Variants in TRAPPC2L observed in about 807,000 individuals in gnomAD.
TRAPPC2L encodes trafficking protein particle complex subunit 2L.
In TRAPPC2L, 17 loss-of-function variants were observed where a neutral mutation model predicts 13.2. The ratio of observed to expected loss-of-function variants is 1.29; its 90% confidence interval spans 0.88 to 1.93. The LOEUF (loss-of-function observed/expected upper bound fraction) is 1.93. Among genes scored for constraint, TRAPPC2L ranks in the 30% most tolerant of loss-of-function variants. TRAPPC2L has a pLI of 0.00. For synonymous variants in TRAPPC2L, 150 were observed against 98.1 expected (o/e 1.53, Z -3.12); for missense variants, 359 against 252.1 (o/e 1.42, Z -2.87).
At chr16:88,860,619 C>T in exon 4 of TRAPPC2L, 1 of 591,312 alleles carries the variant, frequency 1.7e-6, no homozygotes, top group Non-Finnish European at 3.0e-6. Flanking sequence ...GTCTTGCCTC[C>T]TGGGCTGCAC....
At chr16:88,857,486 A>C (rs1235308206) in intron 1 of TRAPPC2L, 1 of 395,264 alleles carries the variant, frequency 2.5e-6, no homozygotes, top group Non-Finnish European at 4.5e-6. Flanking sequence ...CTCCGTCCTC[A>C]GCAGGTTCTG....
At chr16:88,857,301 C>T (rs1009779573) in intron 1 of TRAPPC2L, 118 bp downstream of exon 1, 10 of 970,658 alleles carry the variant, frequency 1.0e-5, no homozygotes, top group East Asian at 3.3e-5. Context: ...AGGAGGCCTT[C>T]GCCGAGCTCC....
At chr16:88,859,335 G>C in intron 2 of TRAPPC2L, 1 of 671,464 alleles carries the variant, frequency 1.5e-6, no homozygotes, top group East Asian at 2.9e-5. Context: ...CGAAGCCTCT[G>C]GTTTTGCAGT....
exon 4 of TRAPPC2L, chr16:88,861,017 C>A: frequency 6.5e-7 from 1 of 1,530,832 alleles, no homozygotes; most frequent in South Asian, 1.2e-5. Context: ...GTGGGGCCGT[C>A]GGTCTGTTCT....
chr16:88,858,394 C>T (rs180883190), intron 1 of TRAPPC2L, among the ~76,000 whole-genome samples: 2 of 152,138 alleles, frequency 1.3e-5, no homozygotes, highest in East Asian at 1.9e-4. Context: ...TCTTTTCCGC[C>T]CACCCTACTG....
chr16:88,859,859 G>A, intron 3 of TRAPPC2L, 34 bp from the exon 4 acceptor site: 5 of 1,568,624 alleles, frequency 3.2e-6, no homozygotes, highest in South Asian at 1.2e-5. Context: ...CTGTGTGTAT[G>A]TGGCAAGGTC....
intron 3 of TRAPPC2L, 29 bp from the exon 4 acceptor site, chr16:88,859,864 A>G: frequency 6.4e-7 from 1 of 1,559,070 alleles, no homozygotes; most frequent in Non-Finnish European, 8.7e-7. Context: ...TGTATGTGGC[A>G]AGGTCATGGT....
upstream of TRAPPC2L, chr16:88,856,538 C>T (rs1967901768): frequency 1.4e-6 from 1 of 696,848 alleles, no homozygotes; most frequent in Non-Finnish European, 2.6e-6. Flanking sequence ...GCCTGGACCC[C>T]GCGGCCACTC....
At chr16:88,856,794 C>T, upstream of TRAPPC2L, 2 of 1,540,786 alleles carry the variant, frequency 1.3e-6, no homozygotes, top group Non-Finnish European at 8.7e-7. Flanking sequence ...TGGGGGGCTG[C>T]GGGGCGCCCG....
exon 4 of TRAPPC2L, chr16:88,861,780 T>C (rs1968409214): frequency 2.4e-6 from 1 of 421,282 alleles, no homozygotes; most frequent in Non-Finnish European, 4.8e-6. Context: ...GACTGGAGAG[T>C]TTCTCAAGGA....
intron 1 of TRAPPC2L, 171 bp downstream of exon 1, chr16:88,857,354 C>A: frequency 1.7e-6 from 1 of 592,648 alleles, no homozygotes; most frequent in South Asian, 2.2e-5. Context: ...CAGGCAGACC[C>A]TGACTGAGAC....
Position 88,857,201 on chromosome 16 carries a change from G to A in TRAPPC2L, c.33+18G>A. ...CCAAGGAGGTGCGTACGCGCGGCGTGGGGCGTCCGGGCTCGCACCATCCTC... is the reference window on the plus strand; with the variant it reads ...CCAAGGAGGTGCGTACGCGCGGCGTAGGGCGTCCGGGCTCGCACCATCCTC... On this transcript the variant is annotated intron_variant, in intron 1 of 3. Coordinates refer to ENST00000565504, the Ensembl canonical transcript of TRAPPC2L. The A allele has an allele frequency of 6.4e-7, 1 of 1,557,258 alleles. No individual in the cohort carries two copies.
intron 1 of TRAPPC2L, 126 bp from the exon 2 acceptor site, chr16:88,858,493 G>A (rs1431563640): frequency 1.0e-6 from 1 of 958,650 alleles, no homozygotes; most frequent in Non-Finnish European, 1.6e-6. Context: ...GAATGAAGCG[G>A]TGGGCCTTAG....
chr16:88,856,908 A>T, upstream of TRAPPC2L: 1 of 1,497,648 alleles, frequency 6.7e-7, no homozygotes, highest in Non-Finnish European at 8.8e-7. Flanking sequence ...AGCCCCGGCC[A>T]GCGAGCCGAC....
Position 88,858,786 on chromosome 16 carries a change from CA to C in TRAPPC2L, c.203del (p.Lys68ArgfsTer11), listed in dbSNP as rs770571381. 1.9e-6 allele frequency: 3 copies of C among 1,612,772 alleles called. No homozygotes were observed. Among genetic ancestry groups the C allele is most frequent in the Non-Finnish European group, 2.5e-6 (3 of 1,179,640 alleles). The stretch of plus-strand genomic sequence containing the variant: ...GCCTGCTCTACCCCACGGAGGACTA[CA>C]AGGTGTATCTTTCAGGGCAGGGTGT... On this transcript the variant is annotated frameshift_variant, in exon 2 of 4. Transcript: ENST00000565504. LOFTEE classifies it high-confidence loss of function.
upstream of TRAPPC2L, chr16:88,856,862 C>T: frequency 6.6e-7 from 1 of 1,509,996 alleles, no homozygotes; most frequent in East Asian, 2.7e-5. Flanking sequence ...CTCGTCGCCG[C>T]GACAACCGCC....
intron 2 of TRAPPC2L, 77 bp from the exon 3 acceptor site, chr16:88,859,585 CT>C: frequency 7.3e-7 from 1 of 1,377,518 alleles, no homozygotes; most frequent in African/African-American, 1.4e-5. Context: ...TGCCACATTT[CT>C]CCAAAGTGAG....
chr16:88,861,546 C>T, exon 4 of TRAPPC2L: 2 of 435,460 alleles, frequency 4.6e-6, no homozygotes, highest in South Asian at 1.6e-5. Context: ...GGCTCAGCTG[C>T]AGCCCTGGTC....
At chr16:88,859,808 C>G (rs979197166) in intron 3 of TRAPPC2L, 58 bp downstream of exon 3, 5 of 1,590,580 alleles carry the variant, frequency 3.1e-6, no homozygotes, top group Admixed American at 1.8e-5. Flanking sequence ...TCCTTTTTGA[C>G]TTTGTTTTGA....
Sources: allele counts gnomAD v4.1 joint callset (sites outside exome capture counted in the v4.1 genomes callset), GRCh38; gene constraint gnomAD v4.1.1; transcripts MANE v1.5; gene names NCBI Gene and HGNC (gene_info 2026-07-23, HGNC 2026-07-21).